Variants in LAMA2 observed in about 807,000 individuals in gnomAD.
The protein encoded by LAMA2 is laminin subunit alpha-2.
A neutral mutation model predicts 364.8 loss-of-function variants in LAMA2; 269 were observed. The ratio of observed to expected loss-of-function variants is 0.74; its 90% CI spans 0.67 to 0.82. The LOEUF is 0.82. Ranked by LOEUF, LAMA2 falls within the 40% of genes least tolerant of loss-of-function variation. LAMA2 has a pLI of 0.00. For missense variants in LAMA2, 3,807 were observed against 3,873.2 expected (o/e 0.98, Z 0.45); for synonymous variants, 1,379 against 1,370.6 (o/e 1.01, Z -0.14).
chr6:129,486,924 A>G (rs1784616354), intron 56 of LAMA2, among the ~76,000 whole-genome samples: 1 of 152,164 alleles, frequency 6.6e-6, no homozygotes, highest in Non-Finnish European at 1.5e-5. Context: ...CCTCTTAAAT[A>G]TTACCTCCTC....
intron 21 of LAMA2, among the ~76,000 whole-genome samples, chr6:129,299,345 C>T (rs1773404904): frequency 6.6e-6 from 1 of 152,038 alleles, no homozygotes; most frequent in Non-Finnish European, 1.5e-5. Context: ...GTTTTTGTTA[C>T]AATTAGTTGA....
chr6:129,356,236 T>A (rs1204446388), intron 32 of LAMA2, among the ~76,000 whole-genome samples: 1 of 152,090 alleles, frequency 6.6e-6, no homozygotes, highest in African/African-American at 2.4e-5. Flanking sequence ...AGGAACCTAT[T>A]TAGACATCAC....
chr6:129,442,931 G>A lies in LAMA2; in HGVS notation c.6269-132G>A, dbSNP rs538375714. On this transcript the variant is annotated intron_variant, in intron 43 of 64. Transcript: ENST00000421865. ...GATAACAATTGCTTCAGTTAAAATG[G>A]GGTGCATTTATAATTAGTACCTGTT... is the stretch of plus-strand genomic sequence containing the variant. 5 of 621,410 alleles carry A rather than the reference G, an allele frequency of 8.0e-6. No individual in the cohort carries two copies. The South Asian group carries it at 1.1e-4, about 14-fold the overall frequency. The allele number at this position is 621,410 out of a possible 1,614,324, so 38.5% of individuals were successfully genotyped here.
At chr6:129,080,686 C>T (rs1253849589) in intron 3 of LAMA2, among the ~76,000 whole-genome samples, 7 of 152,134 alleles carry the variant, frequency 4.6e-5, no homozygotes, top group African/African-American at 1.7e-4. Context: ...ATCAAAACCA[C>T]AAAGAGATAC....
At chr6:129,260,364 C>A (rs915179434) in intron 14 of LAMA2, among the ~76,000 whole-genome samples, 1 of 152,094 alleles carries the variant, frequency 6.6e-6, no homozygotes, top group African/African-American at 2.4e-5. Context: ...ATCAAGCAGT[C>A]ATTGGAATGT....
chr6:129,048,540 C>CCTTCCTTCCTTTCTTTCTTT (rs1562188047), intron 1 of LAMA2, among the ~76,000 whole-genome samples: 4 of 53,988 alleles, frequency 7.4e-5, no homozygotes, highest in African/African-American at 2.1e-4. Flanking sequence ...TTCCTTCCTT[C>CCTTCCTTCCTTTCTTTCTTT]CTTTCTTTCT....
chr6:129,362,459 A>T (rs1057087528), intron 32 of LAMA2, among the ~76,000 whole-genome samples: 1 of 151,922 alleles, frequency 6.6e-6, no homozygotes, highest in South Asian at 2.1e-4. Flanking sequence ...TACCTCCCTG[A>T]TCTTCTCACT....
intron 3 of LAMA2, among the ~76,000 whole-genome samples, chr6:129,065,607 T>C (rs963068031): frequency 1.3e-5 from 2 of 152,046 alleles, no homozygotes; most frequent in African/African-American, 2.4e-5. Context: ...TTCCATAAAC[T>C]AACGAGGAAC....
intron 1 of LAMA2, among the ~76,000 whole-genome samples, chr6:128,889,046 C>T (rs1776301595): frequency 6.6e-6 from 1 of 152,204 alleles, no homozygotes; most frequent in Non-Finnish European, 1.5e-5. Context: ...CCTTTGGCAA[C>T]TCAGTGCTAT....
intron 64 of LAMA2, among the ~76,000 whole-genome samples, chr6:129,515,045 T>C (rs909433794): frequency 6.6e-6 from 1 of 152,218 alleles, no homozygotes; most frequent in African/African-American, 2.4e-5. Context: ...ATAGAGTTTA[T>C]ATTTATATTA....
intron 31 of LAMA2, among the ~76,000 whole-genome samples, chr6:129,352,119 A>T (rs1776884389): frequency 6.6e-6 from 1 of 152,192 alleles, no homozygotes; most frequent in African/African-American, 2.4e-5. Flanking sequence ...CACTGACCAT[A>T]TATAAAACTT....
At chr6:129,227,654 A>G (rs1189102910) in intron 12 of LAMA2, among the ~76,000 whole-genome samples, 1 of 152,168 alleles carries the variant, frequency 6.6e-6, no homozygotes, top group Non-Finnish European at 1.5e-5. Context: ...ATATTGCTGA[A>G]CAGCAAATGT....
chr6:128,920,319 A>C (rs1417366162), intron 1 of LAMA2, among the ~76,000 whole-genome samples: 1 of 151,872 alleles, frequency 6.6e-6, no homozygotes, highest in Non-Finnish European at 1.5e-5. Flanking sequence ...CACCACGCCC[A>C]GCTAATTTTT....
chr6:129,516,071 A>AACTT, intron 64 of LAMA2, 119 bp from the exon 65 acceptor site: 1 of 1,140,148 alleles, frequency 8.8e-7, no homozygotes, highest in Non-Finnish European at 1.3e-6. Context: ...CAAAACCACT[A>AACTT]ACTTTGCATA....
chr6:129,478,690 T>C lies in LAMA2; in HGVS notation c.7452-3T>C, dbSNP rs1179386258. On this transcript the variant is annotated splice_polypyrimidine_tract_variant and splice_region_variant and intron_variant, in intron 53 of 64. Transcript: ENST00000421865. ...TTTTGCTTTTCATTTGACTATTCAA[T>C]AGGCCAGAAGTAAATCTGAAGAAAT... The C allele has an allele frequency of 1.3e-5, 21 of 1,613,466 alleles. No homozygotes were observed. Among genetic ancestry groups the C allele is most frequent in the Non-Finnish European group, 1.8e-5 (21 of 1,179,542 alleles).
intron 12 of LAMA2, among the ~76,000 whole-genome samples, chr6:129,234,842 T>C (rs1784881414): frequency 6.6e-6 from 1 of 152,168 alleles, no homozygotes; most frequent in South Asian, 2.1e-4. Context: ...TGTGTCTTTA[T>C]GAAACTAGAT....
chr6:129,511,025 A>G (rs1786527429), intron 62 of LAMA2, among the ~76,000 whole-genome samples: 1 of 152,156 alleles, frequency 6.6e-6, no homozygotes, highest in Non-Finnish European at 1.5e-5. Context: ...TTTTGCACTT[A>G]ATGGATTGAC....
intron 61 of LAMA2, among the ~76,000 whole-genome samples, chr6:129,506,360 T>A (rs890215159): frequency 1.1e-4 from 16 of 151,118 alleles, no homozygotes; most frequent in African/African-American, 1.5e-4. Context: ...CTCAAAAAAA[T>A]AAATAAATAA....
intron 30 of LAMA2, among the ~76,000 whole-genome samples, chr6:129,346,905 A>G (rs1054541437): frequency 2.8e-4 from 43 of 152,152 alleles, no homozygotes; most frequent in Non-Finnish European, 1.5e-5. Context: ...ACTTGTGCAG[A>G]AATGTGAATG....
Sources: gnomAD v4.1 joint callset for allele counts (sites outside exome capture counted in the v4.1 genomes callset) on GRCh38, gnomAD v4.1.1 for gene constraint, MANE v1.5 for transcripts, NCBI Gene and HGNC (gene_info 2026-07-23, HGNC 2026-07-21) for gene names.